The following CHPT1 variants were observed in gnomAD, a reference collection of about 807,000 sequenced individuals.
CHPT1 encodes the protein choline phosphotransferase 1, also known as cholinephosphotransferase 1.
In CHPT1, 36 loss-of-function variants were observed where a neutral mutation model predicts 47.6. The ratio of observed to expected loss-of-function variants is 0.76; its 90% CI spans 0.58 to 1.00. CHPT1 has a LOEUF of 1.00. Ranked by LOEUF, CHPT1 falls within the 50% of genes least tolerant of loss-of-function variation. The probability of loss-of-function intolerance (pLI) is 0.00; values close to 1 mark genes in which losing one functional copy is unlikely to be tolerated. For synonymous variants in CHPT1, 194 were observed against 186.3 expected, an observed-to-expected ratio of 1.04 and a Z score of -0.33; for missense variants, 458 against 498.1, an observed-to-expected ratio of 0.92 and a Z score of 0.77.
At chr12:101,709,517 GA>G (rs1951677775) in intron 1 of CHPT1, among the ~76,000 whole-genome samples, 1 of 148,108 alleles carries the variant, frequency 6.8e-6, no homozygotes, top group Admixed American at 6.9e-5. Flanking sequence ...TAACAAGTTA[GA>G]AAAAAAGTGA....
At chr12:101,719,073 C>T (rs1031632126) in intron 4 of CHPT1, among the ~76,000 whole-genome samples, 2 of 144,480 alleles carry the variant, frequency 1.4e-5, no homozygotes, top group African/African-American at 5.1e-5. Context: ...AGGAGAATCA[C>T]TTGAACCTGG....
chr12:101,728,819 AT>A (rs1484561101), intron 8 of CHPT1, 81 bp from the exon 9 acceptor site: 22 of 1,519,596 alleles, frequency 1.4e-5, no homozygotes, highest in Non-Finnish European at 1.8e-5. Context: ...CAGGTTTATG[AT>A]TAAAGATGTT....
chr12:101,697,877 G>A lies in CHPT1; in HGVS notation c.16G>A (p.Gly6Arg). 8.3e-7 allele frequency: 1 copy of A among 1,201,974 alleles called. No homozygotes were observed. The highest frequency in any genetic ancestry group is 1.0e-6 in the Non-Finnish European group (1 of 969,522). The allele number at this position is 1,201,974 out of a possible 1,614,324, so 74.5% of individuals were successfully genotyped here. A position where few individuals can be genotyped will look rare whatever the true frequency, so the allele number is the denominator to read the frequency against. The change falls in exon 1 of 9, where the codon GGG (glycine) becomes AGG (arginine). Residue 6 changes from glycine to arginine, a missense_variant. Gly to Arg is a moderately radical substitution (Grantham distance 125, BLOSUM62 -2). Transcript: ENST00000229266. MAAGA[G>R]AGSAPRWLRA... ...TCAGGCGGCCATGGCGGCAGGCGCC[G>A]GGGCCGGGTCCGCGCCGCGCTGGCT...
intron 1 of CHPT1, among the ~76,000 whole-genome samples, chr12:101,707,079 G>A (rs1951644258): frequency 6.6e-6 from 1 of 152,172 alleles, no homozygotes; most frequent in Non-Finnish European, 1.5e-5. Context: ...GTATTTTTAA[G>A]GGAGTAGGTA....
At chr12:101,721,586 A>G (rs994326029) in intron 5 of CHPT1, among the ~76,000 whole-genome samples, 3 of 152,214 alleles carry the variant, frequency 2.0e-5, no homozygotes. Flanking sequence ...ATCTAGAAAT[A>G]TAAGTTCTGA....
At chr12:101,709,166 C>T (rs1594128826) in intron 1 of CHPT1, among the ~76,000 whole-genome samples, 3 of 147,864 alleles carry the variant, frequency 2.0e-5, no homozygotes, top group African/African-American at 7.3e-5. Flanking sequence ...GAGGCTGAGG[C>T]AGAAGGATAG....
At position 101,723,351 on chromosome 12, in the gene CHPT1, T is replaced by C. The variant is rs2137028182; in HGVS notation, c.939+25T>C. 3 of 1,302,692 alleles carry C rather than the reference T, an allele frequency of 2.3e-6. No homozygotes were observed. The East Asian group carries it at 7.4e-5, about 32-fold the overall frequency. 80.7% of individuals were successfully genotyped at this position (1,302,692 alleles called of 1,614,324 possible). ...GGTAAGAAATTTTTATTATTCATGA[T>C]ATAAATAATATACTTAGTCGTCAAA... On this transcript the variant is annotated intron_variant, in intron 6 of 8. Coordinates refer to ENST00000229266, the MANE Select transcript of CHPT1 (RefSeq NM_020244.3).
chr12:101,708,578 G>A (rs906427437), intron 1 of CHPT1, among the ~76,000 whole-genome samples: 1 of 152,108 alleles, frequency 6.6e-6, no homozygotes, highest in African/African-American at 2.4e-5. Flanking sequence ...TAGATATTAT[G>A]AAAACTATAT....
At chr12:101,725,509 T>TA (rs1253524286) in intron 7 of CHPT1, among the ~76,000 whole-genome samples, 2 of 151,734 alleles carry the variant, frequency 1.3e-5, no homozygotes, top group Non-Finnish European at 2.9e-5. Flanking sequence ...TACCAGGTGT[T>TA]AAAAAAATCA....
At chr12:101,699,046 TAC>T (rs1951510241) in intron 1 of CHPT1, among the ~76,000 whole-genome samples, 1 of 152,212 alleles carries the variant, frequency 6.6e-6, no homozygotes, top group African/African-American at 2.4e-5. Context: ...TTAACAGAAA[TAC>T]AGTGGAAATA....
chr12:101,719,156 G>GAAAAA lies in CHPT1; in HGVS notation c.649-950_649-946dup, dbSNP rs779382436. 3.0e-3 allele frequency among the ~76,000 whole-genome samples: 278 copies of GAAAAA among 93,088 alleles called. 6 individuals are homozygous for GAAAAA. The highest frequency in any genetic ancestry group is 8.8e-3 in the East Asian group (29 of 3,314). The allele number at this position is 93,088 out of a possible 152,430, so 61.1% of individuals were successfully genotyped here. A position where few individuals can be genotyped will look rare whatever the true frequency, so the allele number is the denominator to read the frequency against. On this transcript the variant is annotated intron_variant, in intron 4 of 8. Transcript: ENST00000229266. ...CTGGGCGACAAGAGACTCGTCTCAA[G>GAAAAA]AAAAAAAAAAAAAAAAAAAAAGAAG...
chr12:101,722,633 C>G (rs202212380), intron 5 of CHPT1, among the ~76,000 whole-genome samples: 1 of 149,392 alleles, frequency 6.7e-6, no homozygotes, highest in Non-Finnish European at 1.5e-5. Context: ...CTGGGAGGAT[C>G]GCTTGAGCCC....
chr12:101,726,263 C>T (rs779388819), intron 7 of CHPT1, 31 bp from the exon 8 acceptor site: 17 of 1,408,074 alleles, frequency 1.2e-5, no homozygotes, highest in African/African-American at 7.1e-5. Context: ...AGATCATAAT[C>T]GATTTTATAT....
intron 1 of CHPT1, among the ~76,000 whole-genome samples, chr12:101,703,640 C>A (rs1951586782): frequency 6.6e-6 from 1 of 152,162 alleles, no homozygotes; most frequent in Admixed American, 6.5e-5. Flanking sequence ...CTTTTCTGAC[C>A]ACCAAGGCTC....
At chr12:101,701,768 A>C (rs12321129) in intron 1 of CHPT1, among the ~76,000 whole-genome samples, 2,829 of 152,334 alleles carry the variant, frequency 0.019, 81 homozygotes, top group African/African-American at 0.064. Flanking sequence ...TTTGCATCAA[A>C]CAGATGCAAT....
At chr12:101,726,511 C>G in intron 8 of CHPT1, 107 bp downstream of exon 8, 2 of 1,428,372 alleles carry the variant, frequency 1.4e-6, no homozygotes, top group Non-Finnish European at 1.8e-6. Flanking sequence ...AGTATACCAT[C>G]AATAAGGTTA....
At position 101,726,399 on chromosome 12, in the gene CHPT1, G is replaced by C. The variant is rs1371361257; in HGVS notation, c.1171G>C (p.Glu391Gln). 1.2e-6 allele frequency: 2 copies of C among 1,612,368 alleles called. No individual in the cohort carries two copies. The highest frequency in any genetic ancestry group is 2.7e-5 in the African/African-American group (2 of 74,826). Residue 391 changes from glutamate (E) to glutamine (Q), a missense_variant, in exon 8 of 9, where the codon GAA becomes CAA. Glu to Gln is a conservative substitution (Grantham distance 29). Transcript: ENST00000229266. The stretch of plus-strand genomic sequence containing the variant: ...CAAGACTGCATGTCATCAAGCACCT[G>C]AACAGGTTCACAAGCATATTGACTG... ...IFKTACHQAP[E>Q]QVQVLSSKSH... is the part of the protein sequence containing the mutation.
chr12:101,714,774 C>A, intron 3 of CHPT1, 129 bp downstream of exon 3: 2 of 832,912 alleles, frequency 2.4e-6, no homozygotes, highest in Non-Finnish European at 3.5e-6. Flanking sequence ...CGTCGGAGTA[C>A]TCATAAATGC....
chr12:101,725,638 A>C lies in CHPT1; in HGVS notation c.1066-656A>C, dbSNP rs201719067. On this transcript the variant is annotated intron_variant, in intron 7 of 8. Coordinates refer to ENST00000229266, the MANE Select transcript of CHPT1 (RefSeq NM_020244.3). ...ATGTGGATGACAAAAAAAAAAAAAA[A>C]AAGCCACACACACAATGTGGTACTT... 0.022 allele frequency among the ~76,000 whole-genome samples: 3,318 copies of C among 152,064 alleles called. 331 individuals are homozygous for C. The East Asian group carries it at 0.31, about 14-fold the overall frequency.
Sources: gnomAD v4.1 joint callset for allele counts (sites outside exome capture counted in the v4.1 genomes callset) on GRCh38, gnomAD v4.1.1 for gene constraint, MANE v1.5 for transcripts, NCBI Gene and HGNC (gene_info 2026-07-23, HGNC 2026-07-21) for gene names.